The following EIF4E3 variants were observed in gnomAD, a reference collection of about 807,000 sequenced individuals.
EIF4E3 encodes the protein eukaryotic translation initiation factor 4E type 3.
A neutral mutation model predicts 31.7 loss-of-function variants in EIF4E3; 26 were observed. That is an observed-to-expected ratio of 0.82 (90% CI 0.60 to 1.14). EIF4E3 has a LOEUF of 1.14. EIF4E3 is among the 50% of genes most tolerant of loss of function. EIF4E3 has a pLI of 0.00. For synonymous variants in EIF4E3, 128 were observed against 107.7 expected (o/e 1.19, Z -1.17); for missense variants, 304 against 270.9 (o/e 1.12, Z -0.86).
intron 1 of EIF4E3, among the ~76,000 whole-genome samples, chr3:71,716,294 G>A (rs887857771): frequency 1.3e-5 from 2 of 152,054 alleles, no homozygotes; most frequent in Non-Finnish European, 2.9e-5. Context: ...GCGCAGTGGC[G>A]CAATCTCGAC....
chr3:71,729,904 C>T (rs572955899), upstream of EIF4E3, among the ~76,000 whole-genome samples: 11 of 151,194 alleles, frequency 7.3e-5, no homozygotes, highest in South Asian at 2.1e-3. Context: ...TTGCTGGGCT[C>T]CTTCTCTAAC....
upstream of EIF4E3, among the ~76,000 whole-genome samples, chr3:71,726,716 C>A (rs1481846871): frequency 1.3e-5 from 2 of 152,192 alleles, no homozygotes; most frequent in Non-Finnish European, 2.9e-5. Flanking sequence ...AAAAGGTAAT[C>A]AAGGTCACAT....
chr3:71,737,813 AT>A (rs1197840870), intron 1 of EIF4E3, among the ~76,000 whole-genome samples: 2 of 152,068 alleles, frequency 1.3e-5, no homozygotes, highest in Non-Finnish European at 2.9e-5. Context: ...AACAACAGAG[AT>A]TTTTTTCATA....
At chr3:71,693,530 T>C (rs2049091829) in intron 5 of EIF4E3, among the ~76,000 whole-genome samples, 1 of 152,166 alleles carries the variant, frequency 6.6e-6, no homozygotes. Context: ...CTACTACCAA[T>C]TGTGTTAAGG....
At chr3:71,714,323 A>AG (rs5850021) in intron 1 of EIF4E3, among the ~76,000 whole-genome samples, 12,278 of 150,746 alleles carry the variant, frequency 0.081, 569 homozygotes, top group Non-Finnish European at 0.097. Flanking sequence ...AGGAAAGGAA[A>AG]GAAAGAAAGA....
At chr3:71,743,879 T>C (rs2049845130) in intron 1 of EIF4E3, among the ~76,000 whole-genome samples, 1 of 152,086 alleles carries the variant, frequency 6.6e-6, no homozygotes, top group Non-Finnish European at 1.5e-5. Flanking sequence ...CAGTTGAATA[T>C]CCATACATTA....
intron 2 of EIF4E3, among the ~76,000 whole-genome samples, chr3:71,700,781 A>T (rs1559596050): frequency 6.6e-6 from 1 of 152,178 alleles, no homozygotes; most frequent in Non-Finnish European, 1.5e-5. Context: ...GGAACAGCTC[A>T]GGTGCTGAAA....
In EIF4E3 at chr3:71,678,055, T is replaced by A. The variant is rs946415632; in HGVS notation, c.*6627A>T. On this transcript the variant is annotated 3_prime_UTR_variant, in exon 7 of 7. Transcript: ENST00000425534. Reference sequence around the variant, plus strand: ...CCCATCAGAATACCAGATAACCTACTAAGCGTCAGACTCCATGCTAGCAGC... The same window carrying A: ...CCCATCAGAATACCAGATAACCTACAAAGCGTCAGACTCCATGCTAGCAGC... 3 of 152,180 alleles carry A rather than the reference T, an allele frequency of 2.0e-5. No homozygotes were observed. Among genetic ancestry groups the A allele is most frequent in the Non-Finnish European group, 4.4e-5 (3 of 68,026 alleles). 9.4% of individuals were successfully genotyped at this position (152,180 alleles called of 1,614,324 possible).
In EIF4E3 at chr3:71,739,991, A is replaced by G. The variant is rs116511309; in HGVS notation, c.-290-11368T>C. Among the ~76,000 whole-genome samples, 1,353 of 152,272 alleles carry G rather than the reference A, an allele frequency of 8.9e-3. 16 individuals are homozygous for G. The highest frequency in any genetic ancestry group is 0.027 in the South Asian group (128 of 4,828). On this transcript the variant is annotated intron_variant, in intron 1 of 7. Coordinates refer to the EIF4E3 transcript ENST00000295612. ...ATGCCACTGTAAATTGTTATAGTGT[A>G]TGTGAAGAGGTATAATATCACTTGA...
In EIF4E3 at chr3:71,710,454, G is replaced by A. The variant is rs190555571; in HGVS notation, c.207C>T (p.Cys69=). ...RSLPGATAAE[C]ASNLKKIYTV... Reference sequence around the variant, plus strand: ...TGTAGATTTTCTTCAGATTTGATGCGCACTCAGCTGCTGTGGCACCAGGGA... The same window carrying A: ...TGTAGATTTTCTTCAGATTTGATGCACACTCAGCTGCTGTGGCACCAGGGA... Residue 69 remains cysteine (C), a synonymous_variant, in exon 2 of 7, where the codon TGC becomes TGT. Transcript: ENST00000425534. The A allele has an allele frequency of 2.6e-5, 41 of 1,550,650 alleles. No individual in the cohort carries two copies. Among genetic ancestry groups the A allele is most frequent in the South Asian group, 1.3e-4 (11 of 83,936 alleles).
At chr3:71,731,444 T>G (rs1397891115) in intron 1 of EIF4E3, among the ~76,000 whole-genome samples, 1 of 151,966 alleles carries the variant, frequency 6.6e-6, no homozygotes, top group East Asian at 1.9e-4. Context: ...CTTCTCCCCT[T>G]CCTCATTATT....
chr3:71,723,986 A>G (rs1171503279), intron 1 of EIF4E3, among the ~76,000 whole-genome samples: 1 of 148,874 alleles, frequency 6.7e-6, no homozygotes, highest in Non-Finnish European at 1.5e-5. Context: ...TGTCTTAACC[A>G]AAAAAAAAAT....
At chr3:71,689,978 T>C in intron 6 of EIF4E3, 32 bp downstream of exon 6, 1 of 1,563,308 alleles carries the variant, frequency 6.4e-7, no homozygotes, top group Non-Finnish European at 8.7e-7. Flanking sequence ...TAGAGTAAGC[T>C]AGAAAGTAAT....
At position 71,731,004 on chromosome 3, in the gene EIF4E3, G is replaced by A. The variant is rs117269351; in HGVS notation, c.-290-2381C>T. On this transcript the variant is annotated intron_variant, in intron 1 of 7. Transcript: ENST00000295612. ...CTTCCAAAATGCTGGAATTACAGAC[G>A]TGAGCCACAGTGCCTAGCCTGCTCT... Among the ~76,000 whole-genome samples, 68 of 152,234 alleles carry A rather than the reference G, an allele frequency of 4.5e-4. No homozygotes were observed. In the East Asian group the frequency reaches 7.3e-3, roughly 16 times the overall value.
intron 2 of EIF4E3, among the ~76,000 whole-genome samples, chr3:71,707,378 G>A (rs543379761): frequency 1.3e-5 from 2 of 152,338 alleles, no homozygotes; most frequent in East Asian, 3.9e-4. Context: ...AACTGATGGA[G>A]CTGAGGGGTA....
chr3:71,706,363 G>A (rs1450253743), intron 2 of EIF4E3, among the ~76,000 whole-genome samples: 2 of 152,232 alleles, frequency 1.3e-5, no homozygotes, highest in East Asian at 3.9e-4. Flanking sequence ...CATCTACTTT[G>A]ATTTGCTAAA....
At chr3:71,742,469 T>C (rs188408633) in intron 1 of EIF4E3, among the ~76,000 whole-genome samples, 30 of 152,150 alleles carry the variant, frequency 2.0e-4, no homozygotes, top group African/African-American at 5.5e-4. Flanking sequence ...CATATATCTA[T>C]AAAAGAAATG....
At chr3:71,752,430 T>G (rs2049939182) in intron 1 of EIF4E3, among the ~76,000 whole-genome samples, 1 of 152,178 alleles carries the variant, frequency 6.6e-6, no homozygotes, top group South Asian at 2.1e-4. Context: ...GCCTGCAGAC[T>G]AAAGTTTCGA....
chr3:71,696,431 G>A (rs1311866194), intron 4 of EIF4E3, 29 bp downstream of exon 4: 2 of 1,613,428 alleles, frequency 1.2e-6, no homozygotes, highest in Admixed American at 1.7e-5. Context: ...AGCCTCGCCG[G>A]TTCTAGAAGA....
Sources: gnomAD v4.1 joint callset for allele counts (sites outside exome capture counted in the v4.1 genomes callset) on GRCh38, gnomAD v4.1.1 for gene constraint, MANE v1.5 for transcripts, NCBI Gene and HGNC (gene_info 2026-07-23, HGNC 2026-07-21) for gene names.